Variants in ABHD2 observed in about 807,000 individuals in gnomAD.
ABHD2 encodes the protein abhydrolase domain containing 2, acylglycerol lipase.
ABHD2 carries 20 observed loss-of-function variants against 48.1 expected under a neutral mutation model. The observed-to-expected ratio is 0.42, with a 90% CI of 0.29 to 0.60. The LOEUF is 0.60. Ranked by LOEUF, ABHD2 falls within the 20% of genes least tolerant of loss-of-function variation. The pLI, the probability that ABHD2 is intolerant of heterozygous loss-of-function variation, is 0.24. For missense variants in ABHD2, 405 were observed against 550.9 expected (o/e 0.74, Z 2.65); for synonymous variants, 209 against 214.2 (o/e 0.98, Z 0.21).
At chr15:89,058,789 C>A in the ABHD2 span, among the ~76,000 whole-genome samples, 3 of 152,180 alleles carry the variant, frequency 2.0e-5, no homozygotes, top group African/African-American at 4.8e-5. Context: ...GCCCTTGAAG[C>A]CTTTCTCTTT....
intron 5 of ABHD2, among the ~76,000 whole-genome samples, chr15:89,162,645 AC>A (rs2050779691): frequency 6.6e-6 from 1 of 151,900 alleles, no homozygotes; most frequent in African/African-American, 2.4e-5. Flanking sequence ...CCAAGATGTC[AC>A]CCTCTCAGAG....
Position 89,088,816 on chromosome 15 carries a change from G to A in ABHD2, c.-107+253G>A, listed in dbSNP as rs997348764. Among the ~76,000 whole-genome samples the A allele has an allele frequency of 6.6e-6, 1 of 152,212 alleles. No individual in the cohort carries two copies. The highest frequency in any genetic ancestry group is 1.5e-5 in the Non-Finnish European group (1 of 68,022). On this transcript the variant is annotated intron_variant, in intron 1 of 10. Coordinates refer to ENST00000352732, the MANE Select transcript of ABHD2 (RefSeq NM_152924.5). The surrounding 1 kb of genome is among the most constrained non-coding windows in gnomAD (Gnocchi z 6.8). Reference sequence around the variant, plus strand: ...TGTCCCCTTCTGCCCGAGGAACCGAGGTTGGGGACAACCCCGACCGCGGCC... The same window carrying A: ...TGTCCCCTTCTGCCCGAGGAACCGAAGTTGGGGACAACCCCGACCGCGGCC...
At chr15:89,057,579 C>A in the ABHD2 span, among the ~76,000 whole-genome samples, 2 of 152,108 alleles carry the variant, frequency 1.3e-5, no homozygotes, top group Non-Finnish European at 2.9e-5. Context: ...TCTTGTTTAG[C>A]CATGGTCGTG....
chr15:89,079,358 CA>C, the ABHD2 span, among the ~76,000 whole-genome samples: 1 of 152,162 alleles, frequency 6.6e-6, no homozygotes. This position sits in a 1 kb window ranked among gnomAD's most constrained non-coding sequence, Gnocchi z 4.3. Flanking sequence ...GGAAAAAGCA[CA>C]GGCCACAGAT....
the ABHD2 span, among the ~76,000 whole-genome samples, chr15:89,054,918 A>G: frequency 6.6e-6 from 1 of 152,110 alleles, no homozygotes; most frequent in African/African-American, 2.4e-5. Context: ...CATTGTGTGC[A>G]ATGTGCTTAA....
rs565822287 is a variant in ABHD2, at chr15:89,184,895, G to T, written c.723-529G>T. ...ACTTCGATTTCCTTGCCTCTTCAAT[G>T]GTATAAGGCTAATCAAAAGATAGAT... is the stretch of plus-strand genomic sequence containing the variant. On this transcript the variant is annotated intron_variant, in intron 6 of 10. Coordinates refer to ENST00000352732, the MANE Select transcript of ABHD2 (RefSeq NM_152924.5). This position sits in a 1 kb window ranked among gnomAD's most constrained non-coding sequence, Gnocchi z 5.1. 1.3e-5 allele frequency among the ~76,000 whole-genome samples: 2 copies of T among 152,298 alleles called. No individual in the cohort carries two copies. Among genetic ancestry groups the T allele is most frequent in the South Asian group, 4.1e-4 (2 of 4,822 alleles).
the ABHD2 span, among the ~76,000 whole-genome samples, chr15:89,043,653 G>GAGGAGAGGGAGGAGGAGA: frequency 7.4e-6 from 1 of 135,784 alleles, no homozygotes; most frequent in Admixed American, 7.3e-5. Flanking sequence ...GAAGGAGAAG[G>GAGGAGAGGGAGGAGGAGA]AGGAGGAGGA....
At chr15:89,193,376 C>T (rs1013115391) in intron 10 of ABHD2, 57 bp downstream of exon 10, 6 of 1,388,228 alleles carry the variant, frequency 4.3e-6, no homozygotes, top group Admixed American at 1.7e-5. Flanking sequence ...ACAGTAAATT[C>T]TGTCACCTTC....
chr15:89,142,798 G>A (rs1300930543), intron 3 of ABHD2, among the ~76,000 whole-genome samples: 1 of 152,122 alleles, frequency 6.6e-6, no homozygotes, highest in African/African-American at 2.4e-5. Context: ...CTTGTCTTGG[G>A]TTGGGCTGGG....
chr15:89,119,073 C>G (rs776586386), intron 3 of ABHD2, among the ~76,000 whole-genome samples: 1 of 152,162 alleles, frequency 6.6e-6, no homozygotes, highest in Non-Finnish European at 1.5e-5. Context: ...ACCCTCTCTC[C>G]TGGTGAAGCC....
At chr15:89,194,363 G>A (rs1275030336) in intron 10 of ABHD2, among the ~76,000 whole-genome samples, 1 of 152,166 alleles carries the variant, frequency 6.6e-6, no homozygotes, top group Non-Finnish European at 1.5e-5. Flanking sequence ...GCCAGGCGTG[G>A]TGGTACATGC....
At chr15:89,142,193 G>T (rs61441573) in intron 3 of ABHD2, among the ~76,000 whole-genome samples, 2,920 of 152,276 alleles carry the variant, frequency 0.019, 94 homozygotes, top group African/African-American at 0.064. Context: ...GTGGTAAAGT[G>T]GGGTTAACAG....
chr15:89,051,695 T>G, the ABHD2 span, among the ~76,000 whole-genome samples: 2 of 152,136 alleles, frequency 1.3e-5, no homozygotes, highest in African/African-American at 4.8e-5. Flanking sequence ...AAAGGAGAGT[T>G]CCCCTGCAGA....
At chr15:89,068,068 T>C in the ABHD2 span, among the ~76,000 whole-genome samples, 2 of 152,120 alleles carry the variant, frequency 1.3e-5, no homozygotes, top group Non-Finnish European at 2.9e-5. Context: ...TCTTTTTCTG[T>C]TTTTCTCCCC....
intron 3 of ABHD2, among the ~76,000 whole-genome samples, chr15:89,127,722 CAT>C (rs72455898): frequency 0.14 from 19,241 of 132,988 alleles, 1,661 homozygotes; most frequent in South Asian, 0.29. Context: ...TATATATACA[CAT>C]ATATATATAT....
At chr15:89,043,361 G>C in the ABHD2 span, among the ~76,000 whole-genome samples, 4 of 152,156 alleles carry the variant, frequency 2.6e-5, no homozygotes, top group Non-Finnish European at 4.4e-5. Flanking sequence ...AGGAATTCAA[G>C]GTTAGGGTGA....
In ABHD2 at chr15:89,095,823, C is replaced by T. The variant is rs78242097; in HGVS notation, c.-107+7260C>T. Among the ~76,000 whole-genome samples, 340 of 152,182 alleles carry T rather than the reference C, an allele frequency of 2.2e-3. 2 individuals are homozygous for T. Among genetic ancestry groups the T allele is most frequent in the South Asian group, 7.1e-3 (34 of 4,820 alleles). Reference sequence around the variant, plus strand: ...ATTACAAACTCAGACGTTTTGGTTTCGTGTTAATGATAATTGAAAATGTTT... The same window carrying T: ...ATTACAAACTCAGACGTTTTGGTTTTGTGTTAATGATAATTGAAAATGTTT... On this transcript the variant is annotated intron_variant, in intron 1 of 10. Transcript: ENST00000352732.
the ABHD2 span, among the ~76,000 whole-genome samples, chr15:89,062,668 G>A: frequency 3.3e-5 from 5 of 152,106 alleles, no homozygotes; most frequent in Admixed American, 1.3e-4. Flanking sequence ...GATTACAGGC[G>A]TGAGCCACCG....
intron 3 of ABHD2, among the ~76,000 whole-genome samples, chr15:89,140,596 GACACACACAT>G (rs2050386907): frequency 6.6e-6 from 1 of 151,708 alleles, no homozygotes; most frequent in East Asian, 1.9e-4. Flanking sequence ...CACACACACA[GACACACACAT>G]ACACACACCA....
Sources: gnomAD v4.1 joint callset for allele counts (sites outside exome capture counted in the v4.1 genomes callset) on GRCh38, gnomAD v4.1.1 for gene constraint, Gnocchi (gnomAD v3.1) non-coding constraint, MANE v1.5 for transcripts, NCBI Gene and HGNC (gene_info 2026-07-23, HGNC 2026-07-21) for gene names.